The following NPAS3 variants were observed in gnomAD, a reference collection of about 807,000 sequenced individuals.
The protein encoded by NPAS3 is neuronal PAS domain protein 3.
NPAS3 carries 14 observed loss-of-function variants against 73.1 expected under a neutral mutation model. The observed-to-expected ratio is 0.19, with a 90% CI of 0.13 to 0.30. NPAS3 has a LOEUF of 0.30. Among genes scored for constraint, NPAS3 ranks in the 10% least tolerant of loss-of-function variants. The pLI, the probability that NPAS3 is intolerant of heterozygous loss-of-function variation, is 1.00. For synonymous variants in NPAS3, 620 were observed against 541.5 expected (o/e 1.14, Z -2.01); for missense variants, 1,096 against 1,250.0 (o/e 0.88, Z 1.86).
intron 2 of NPAS3, among the ~76,000 whole-genome samples, chr14:33,209,544 T>C (rs566448539): frequency 6.6e-6 from 1 of 152,274 alleles, no homozygotes; most frequent in East Asian, 1.9e-4. Flanking sequence ...TGTTCAAAGG[T>C]TCATGAGTTA....
intron 2 of NPAS3, among the ~76,000 whole-genome samples, chr14:33,196,937 A>G (rs2046377620): frequency 6.6e-6 from 1 of 152,004 alleles, no homozygotes; most frequent in Admixed American, 6.6e-5. Context: ...TTGGCCTGGT[A>G]TTTTTTCTTC....
At chr14:33,636,921 A>ACACACACACG (rs1413184432) in intron 5 of NPAS3, among the ~76,000 whole-genome samples, 3 of 152,110 alleles carry the variant, frequency 2.0e-5, no homozygotes, top group Non-Finnish European at 4.4e-5. Context: ...ACACACACAC[A>ACACACACACG]CACACAGAGT....
intron 6 of NPAS3, among the ~76,000 whole-genome samples, chr14:33,720,828 G>T (rs1046169066): frequency 6.6e-6 from 1 of 152,094 alleles, no homozygotes; most frequent in African/African-American, 2.4e-5. Flanking sequence ...TTTTTAAAGA[G>T]TCTTTTAAGA....
At chr14:33,294,001 T>G (rs576904592) in intron 3 of NPAS3, among the ~76,000 whole-genome samples, 1 of 152,224 alleles carries the variant, frequency 6.6e-6, no homozygotes, top group South Asian at 2.1e-4. Flanking sequence ...GCAAGATATG[T>G]AAGAGGAAGT....
chr14:33,570,531 C>T lies in NPAS3; in HGVS notation c.558+10321C>T, dbSNP rs943663331. Among the ~76,000 whole-genome samples, 6 of 152,250 alleles carry T rather than the reference C, an allele frequency of 3.9e-5. No individual in the cohort carries two copies. In the East Asian group the frequency reaches 5.8e-4, roughly 15 times the overall value. On this transcript the variant is annotated intron_variant, in intron 5 of 11. Transcript: ENST00000356141. ...ATAATAAAAAAACCCATAATTTTTC[C>T]GGCTCATTAATTAAAGTTGACGTTG...
At chr14:33,382,634 T>C (rs918886888) in intron 4 of NPAS3, among the ~76,000 whole-genome samples, 4 of 152,174 alleles carry the variant, frequency 2.6e-5, no homozygotes, top group African/African-American at 9.7e-5. Context: ...AATATGTAGA[T>C]ATTGTTCCTT....
At chr14:33,687,759 C>A (rs1425286229) in intron 6 of NPAS3, among the ~76,000 whole-genome samples, 1 of 152,106 alleles carries the variant, frequency 6.6e-6, no homozygotes, top group Non-Finnish European at 1.5e-5. Flanking sequence ...TTCATTTATT[C>A]TTTACTCATT....
At chr14:33,314,157 T>G (rs1163254239) in intron 3 of NPAS3, among the ~76,000 whole-genome samples, 2 of 152,070 alleles carry the variant, frequency 1.3e-5, no homozygotes, top group Non-Finnish European at 2.9e-5. Context: ...AGGTAGAATT[T>G]TAGATCAATC....
At chr14:33,545,953 C>T (rs985139298) in intron 4 of NPAS3, among the ~76,000 whole-genome samples, 2 of 152,164 alleles carry the variant, frequency 1.3e-5, no homozygotes, top group South Asian at 2.1e-4. Flanking sequence ...TAGCAATGAT[C>T]GCAGTCAAGG....
intron 1 of NPAS3, among the ~76,000 whole-genome samples, chr14:32,997,789 T>G (rs2038643237): frequency 6.6e-6 from 1 of 151,652 alleles, no homozygotes; most frequent in Non-Finnish European, 1.5e-5. Context: ...AGATGTGACT[T>G]GCTCCTCCTT....
chr14:33,206,304 ACT>A (rs1224201780), intron 2 of NPAS3, among the ~76,000 whole-genome samples: 2 of 151,966 alleles, frequency 1.3e-5, no homozygotes, highest in African/African-American at 4.8e-5. Flanking sequence ...TTACTTTTCC[ACT>A]CTCTGTTTTA....
Position 33,258,209 on chromosome 14 carries a change from C to T in NPAS3, c.385+42783C>T, listed in dbSNP as rs1040627818. Among the ~76,000 whole-genome samples, 14 of 152,180 alleles carry T rather than the reference C, an allele frequency of 9.2e-5. No individual in the cohort carries two copies. The East Asian group carries it at 2.5e-3, about 27-fold the overall frequency. On this transcript the variant is annotated intron_variant, in intron 3 of 11. Coordinates refer to ENST00000356141, the Ensembl canonical transcript of NPAS3. ...GTCAGGAGTTTGAGACCAGCCTGGG[C>T]AACACGTTAAACCTCCATATCTACT...
intron 5 of NPAS3, among the ~76,000 whole-genome samples, chr14:33,566,233 C>G (rs528707855): frequency 6.6e-6 from 1 of 151,790 alleles, no homozygotes; most frequent in Non-Finnish European, 1.5e-5. Context: ...TTTTCCCCCC[C>G]GAAAATGACT....
chr14:33,066,534 A>G (rs1351460513), intron 2 of NPAS3, among the ~76,000 whole-genome samples: 2 of 152,190 alleles, frequency 1.3e-5, no homozygotes, highest in Admixed American at 1.3e-4. Flanking sequence ...GCAGATTTTA[A>G]GTAGAGTATG....
intron 8 of NPAS3, among the ~76,000 whole-genome samples, chr14:33,776,521 TAAAAAA>T (rs552348267): frequency 7.2e-4 from 23 of 32,038 alleles, no homozygotes; most frequent in African/African-American, 2.2e-3. Flanking sequence ...TTCTTCCTCT[TAAAAAA>T]AAAAAAAAAA....
chr14:33,125,562 T>A (rs1233955661), intron 2 of NPAS3, among the ~76,000 whole-genome samples: 3 of 152,138 alleles, frequency 2.0e-5, no homozygotes, highest in Admixed American at 6.6e-5. Context: ...ACCTCTGAAC[T>A]TTATCGAGAA....
intron 2 of NPAS3, among the ~76,000 whole-genome samples, chr14:33,093,090 A>T (rs938610367): frequency 1.3e-5 from 2 of 152,232 alleles, no homozygotes; most frequent in Admixed American, 6.5e-5. Flanking sequence ...CACCAAAAGC[A>T]ATGGCAGCAA....
At chr14:33,612,105 C>A (rs927597456) in intron 5 of NPAS3, among the ~76,000 whole-genome samples, 1 of 152,046 alleles carries the variant, frequency 6.6e-6, no homozygotes, top group African/African-American at 2.4e-5. Context: ...AGCCACTGTC[C>A]ACTAGTGTGC....
intron 3 of NPAS3, among the ~76,000 whole-genome samples, chr14:33,309,610 A>G (rs1282106708): frequency 6.6e-6 from 1 of 152,180 alleles, no homozygotes; most frequent in African/African-American, 2.4e-5. Flanking sequence ...CCTTTTCTCC[A>G]AATGGGCTGT....
Sources: allele counts gnomAD v4.1 joint callset (sites outside exome capture counted in the v4.1 genomes callset), GRCh38; gene constraint gnomAD v4.1.1; transcripts MANE v1.5; gene names NCBI Gene and HGNC (gene_info 2026-07-23, HGNC 2026-07-21).